Variants in CD247 observed in about 807,000 individuals in gnomAD.
The protein encoded by CD247 is CD247 molecule.
CD247 carries 13 observed loss-of-function variants against 30.0 expected under a neutral mutation model. The observed-to-expected ratio is 0.43, with a 90% CI of 0.28 to 0.69. CD247 has a LOEUF of 0.69. Ranked by LOEUF, CD247 falls within the 30% of genes least tolerant of loss-of-function variation. The pLI is 0.16. For missense variants in CD247, 193 were observed against 212.6 expected, an observed-to-expected ratio of 0.91 and a Z score of 0.57; for synonymous variants, 72 against 80.0, an observed-to-expected ratio of 0.90 and a Z score of 0.53.
chr1:167,438,585 C>T lies in CD247; in HGVS notation c.285G>A (p.Glu95=), dbSNP rs1651660607. 3 of 1,613,916 alleles carry T rather than the reference C, an allele frequency of 1.9e-6. No individual in the cohort carries two copies. The highest frequency in any genetic ancestry group is 4.5e-5 in the East Asian group (2 of 44,886). ...VLDKRRGRDP[E]MGGKPQRRKN... The stretch of plus-strand genomic sequence containing the variant: ...GAACCCCTACCGGCTTTCCCCCCAT[C>T]TCAGGGTCCCGGCCACGTCTCTTGT... Residue 95 remains glutamate (E), a synonymous_variant, in exon 4 of 8, where the codon GAG becomes GAA. Transcript: ENST00000362089.
chr1:167,473,376 G>A (rs909550155), intron 1 of CD247, among the ~76,000 whole-genome samples: 16 of 152,104 alleles, frequency 1.1e-4, no homozygotes, highest in Non-Finnish European at 1.5e-4. Flanking sequence ...ATATTGTTTC[G>A]AAAATAAGGT....
Position 167,431,274 on chromosome 1 carries a change from T to G in CD247, c.*407A>C. On this transcript the variant is annotated 3_prime_UTR_variant, in exon 8 of 8. Transcript: ENST00000362089. ...ACAGAAGCCAAATTTACAGCAGGAG[T>G]GAAGCCACTCAGACACAGAGTGATA... 6 of 506,236 alleles carry G rather than the reference T, an allele frequency of 1.2e-5. No homozygotes were observed. Among genetic ancestry groups the G allele is most frequent in the South Asian group, 4.0e-5 (1 of 24,964 alleles). The allele number at this position is 506,236 out of a possible 1,614,324, so 31.4% of individuals were successfully genotyped here.
At chr1:167,510,021 T>A (rs938680582) in intron 1 of CD247, among the ~76,000 whole-genome samples, 4 of 152,170 alleles carry the variant, frequency 2.6e-5, no homozygotes, top group Non-Finnish European at 5.9e-5. Context: ...CTTGTCTCCC[T>A]TCTCCACAGA....
chr1:167,507,988 T>C (rs1445540611), intron 1 of CD247, among the ~76,000 whole-genome samples: 1 of 152,230 alleles, frequency 6.6e-6, no homozygotes, highest in Non-Finnish European at 1.5e-5. Context: ...TCTGAGACTT[T>C]GTGTTTACAG....
intron 1 of CD247, among the ~76,000 whole-genome samples, chr1:167,492,439 C>G (rs1013780724): frequency 6.6e-6 from 1 of 152,152 alleles, no homozygotes. Context: ...TTCCACTGCT[C>G]TCAGAGACAA....
intron 1 of CD247, among the ~76,000 whole-genome samples, chr1:167,468,002 A>C (rs1653338669): frequency 6.6e-6 from 1 of 152,232 alleles, no homozygotes; most frequent in Non-Finnish European, 1.5e-5. Flanking sequence ...GTGGCGAATA[A>C]ATTCTAGCTC....
intron 1 of CD247, among the ~76,000 whole-genome samples, chr1:167,493,016 C>T (rs1040223531): frequency 2.1e-5 from 3 of 145,004 alleles, no homozygotes; most frequent in Admixed American, 6.9e-5. Flanking sequence ...CAATTTTGCC[C>T]TATTTTCCCT....
At chr1:167,460,231 G>T (rs940922803) in intron 1 of CD247, among the ~76,000 whole-genome samples, 1 of 151,748 alleles carries the variant, frequency 6.6e-6, no homozygotes, top group Non-Finnish European at 1.5e-5. Context: ...GCGAAATCCC[G>T]TCTCTACAAA....
chr1:167,437,321 C>G (rs926058879), intron 4 of CD247, among the ~76,000 whole-genome samples: 1 of 152,016 alleles, frequency 6.6e-6, no homozygotes, highest in African/African-American at 2.4e-5. Context: ...AGGAGAATTG[C>G]TTGAACCCTA....
intron 1 of CD247, among the ~76,000 whole-genome samples, chr1:167,473,271 G>A (rs1182871573): frequency 6.6e-6 from 1 of 152,154 alleles, no homozygotes; most frequent in Non-Finnish European, 1.5e-5. Flanking sequence ...ACCGCCCAGG[G>A]GGCAAGTGTG....
chr1:167,432,984 G>A (rs2101985236), intron 7 of CD247, 40 bp downstream of exon 7: 3 of 1,610,968 alleles, frequency 1.9e-6, no homozygotes, highest in Middle Eastern at 1.7e-4. Flanking sequence ...CCCTTGTCAG[G>A]TGGTGCCCCT....
chr1:167,517,589 T>C (rs1655667053), intron 1 of CD247, among the ~76,000 whole-genome samples: 1 of 152,170 alleles, frequency 6.6e-6, no homozygotes, highest in African/African-American at 2.4e-5. Flanking sequence ...CAAGCACTCT[T>C]GTTGGCTGGG....
intron 1 of CD247, among the ~76,000 whole-genome samples, chr1:167,455,566 GC>G (rs2102018472): frequency 6.6e-6 from 1 of 152,232 alleles, no homozygotes; most frequent in South Asian, 2.1e-4. Flanking sequence ...CGCCCCGCCG[GC>G]CCCCAGCTGG....
intron 1 of CD247, among the ~76,000 whole-genome samples, chr1:167,479,270 G>C (rs954994710): frequency 2.6e-5 from 4 of 152,196 alleles, no homozygotes; most frequent in African/African-American, 9.7e-5. Context: ...GTTTGTTTCT[G>C]TATTCTTTTC....
intron 1 of CD247, among the ~76,000 whole-genome samples, chr1:167,514,813 G>A (rs909929224): frequency 7.2e-5 from 11 of 152,142 alleles, no homozygotes; most frequent in Non-Finnish European, 1.3e-4. Flanking sequence ...CCCAAAGTGC[G>A]TGTTTGGACA....
At chr1:167,463,854 G>A (rs1310865583) in intron 1 of CD247, among the ~76,000 whole-genome samples, 1 of 152,214 alleles carries the variant, frequency 6.6e-6, no homozygotes, top group Non-Finnish European at 1.5e-5. Context: ...TGAGTACCGT[G>A]TCCTACGAAT....
At chr1:167,482,170 G>T (rs1394590409) in intron 1 of CD247, among the ~76,000 whole-genome samples, 1 of 152,164 alleles carries the variant, frequency 6.6e-6, no homozygotes, top group African/African-American at 2.4e-5. Context: ...CCCACAGTAG[G>T]TTCAGCCCCC....
At chr1:167,461,553 TAA>T (rs1653005781) in intron 1 of CD247, among the ~76,000 whole-genome samples, 1 of 152,172 alleles carries the variant, frequency 6.6e-6, no homozygotes, top group African/African-American at 2.4e-5. Flanking sequence ...AATTTTGAAA[TAA>T]GAGAAAATAG....
chr1:167,501,851 T>G (rs1571592581), intron 1 of CD247, among the ~76,000 whole-genome samples: 1 of 152,324 alleles, frequency 6.6e-6, no homozygotes, highest in Non-Finnish European at 1.5e-5. Context: ...AGCCGAGATG[T>G]CAGAGCTGGA....
Sources: allele counts gnomAD v4.1 joint callset (sites outside exome capture counted in the v4.1 genomes callset), GRCh38; gene constraint gnomAD v4.1.1; transcripts MANE v1.5; gene names NCBI Gene and HGNC (gene_info 2026-07-23, HGNC 2026-07-21).